Variants in JAKMIP1 observed in about 807,000 individuals in gnomAD.
JAKMIP1 encodes the protein janus kinase and microtubule interacting protein 1.
In JAKMIP1, 33 loss-of-function variants were observed where a neutral mutation model predicts 113.0. The ratio of observed to expected loss-of-function variants is 0.29; its 90% CI spans 0.22 to 0.39. The LOEUF (loss-of-function observed/expected upper bound fraction) is 0.39, where lower values mean the gene tolerates loss of function less well. Ranked by LOEUF, JAKMIP1 falls within the 10% of genes least tolerant of loss-of-function variation. The pLI, the probability that JAKMIP1 is intolerant of heterozygous loss-of-function variation, is 1.00. For synonymous variants in JAKMIP1, 480 were observed against 459.9 expected, an observed-to-expected ratio of 1.04 and a Z score of -0.56; for missense variants, 813 against 1,080.5, an observed-to-expected ratio of 0.75 and a Z score of 3.47.
At chr4:6,107,751 T>G (rs1560197845) in intron 2 of JAKMIP1, among the ~76,000 whole-genome samples, 1 of 150,704 alleles carries the variant, frequency 6.6e-6, no homozygotes. Flanking sequence ...TCTCACTCTG[T>G]GGGGGGTGTG....
chr4:6,052,805 C>T (rs949216753), intron 13 of JAKMIP1, among the ~76,000 whole-genome samples: 3 of 152,178 alleles, frequency 2.0e-5, no homozygotes, highest in South Asian at 4.1e-4. Context: ...TCTCTAACAG[C>T]GGCAGGAGTA....
rs573024104 is a variant in JAKMIP1 at position 6,031,904 on chromosome 4, A to G, written c.2380-2123T>C. Among the ~76,000 whole-genome samples the G allele has an allele frequency of 1.3e-5, 2 of 152,218 alleles. No individual in the cohort carries two copies. The highest frequency in any genetic ancestry group is 1.3e-4 in the Admixed American group (2 of 15,304). ...TTTAGAGCAGAGCTTGGCATTGAGC[A>G]CTCCATATGTTATTTTTTTAAACTG... On this transcript the variant is annotated intron_variant, in intron 19 of 20. Transcript: ENST00000409021. The surrounding 1 kb of genome is among the most constrained non-coding windows in gnomAD (Gnocchi z 4.4).
intron 1 of JAKMIP1, among the ~76,000 whole-genome samples, chr4:6,172,459 G>A (rs1724842169): frequency 6.6e-6 from 1 of 152,134 alleles, no homozygotes; most frequent in South Asian, 2.1e-4. Flanking sequence ...TCCAGCTCTG[G>A]CCTGGGTTTC....
In JAKMIP1 at chr4:6,054,943, G is replaced by A. The variant is rs373797558; in HGVS notation, c.1708-795C>T. On this transcript the variant is annotated intron_variant, in intron 12 of 20. Transcript: ENST00000409021. Reference sequence around the variant, plus strand: ...GGATGAGGGGGTGAGGGTTTTCTGCGGCTCCCTGGATTTAGTGAACAAGAC... The same window carrying A: ...GGATGAGGGGGTGAGGGTTTTCTGCAGCTCCCTGGATTTAGTGAACAAGAC... The A allele has an allele frequency of 3.8e-4, 165 of 438,396 alleles. 2 individuals carry two copies. The East Asian group carries it at 8.2e-3, about 22-fold the overall frequency. 27.2% of individuals were successfully genotyped at this position (438,396 alleles called of 1,614,324 possible). A position where few individuals can be genotyped will look rare whatever the true frequency, so the allele number is the denominator to read the frequency against.
chr4:6,057,784 C>G (rs1669538002), intron 11 of JAKMIP1, among the ~76,000 whole-genome samples: 2 of 152,366 alleles, frequency 1.3e-5, no homozygotes, highest in Admixed American at 1.3e-4. Context: ...ATGCCATGCT[C>G]TGGCTACTGG....
chr4:6,112,920 T>A lies in JAKMIP1; in HGVS notation c.-70A>T. 1 of 1,568,260 alleles carries A rather than the reference T, an allele frequency of 6.4e-7. No individual in the cohort carries two copies. Among genetic ancestry groups the A allele is most frequent in the South Asian group, 1.2e-5 (1 of 86,396 alleles). On this transcript the variant is annotated 5_prime_UTR_variant, in exon 2 of 21. Coordinates refer to ENST00000409021, the MANE Select transcript of JAKMIP1 (RefSeq NM_001099433.2). ...GTTCACGCACGCCAGCCAGCAGGCG[T>A]GGCTACCAGCTCCACCGTGCTAACC... is the stretch of plus-strand genomic sequence containing the variant.
At position 6,042,482 on chromosome 4, in the gene JAKMIP1, A is replaced by G. The variant is rs148200036; in HGVS notation, c.2029-255T>C. ...TGTGGAAGCTGGATTCAGAGCCTGG[A>G]TGGACCCGAGTGTGGGCGGCTGCGA... On this transcript the variant is annotated intron_variant, in intron 16 of 20. Coordinates refer to ENST00000409021, the MANE Select transcript of JAKMIP1 (RefSeq NM_001099433.2). The surrounding 1 kb of genome is among the most constrained non-coding windows in gnomAD (Gnocchi z 5.2). Among the ~76,000 whole-genome samples the G allele has an allele frequency of 8.7e-3, 1,321 of 152,104 alleles. 16 individuals carry two copies. Among genetic ancestry groups the G allele is most frequent in the African/African-American group, 0.029 (1,223 of 41,464 alleles).
In JAKMIP1 at chr4:6,094,607, T is replaced by C. The variant is rs1462370384; in HGVS notation, c.625-8978A>G. 2.0e-5 allele frequency among the ~76,000 whole-genome samples: 3 copies of C among 152,218 alleles called. No individual in the cohort carries two copies. The highest frequency in any genetic ancestry group is 6.5e-5 in the Admixed American group (1 of 15,282). The stretch of plus-strand genomic sequence containing the variant: ...AGGCCTTAAGCTGTGCCTTGATTCC[T>C]CCTACCTTGTCAAACTAGTTCCCAA... On this transcript the variant is annotated intron_variant, in intron 3 of 20. Coordinates refer to ENST00000409021, the MANE Select transcript of JAKMIP1 (RefSeq NM_001099433.2). This position sits in a 1 kb window ranked among gnomAD's most constrained non-coding sequence, Gnocchi z 4.2.
intron 3 of JAKMIP1, among the ~76,000 whole-genome samples, 186 bp downstream of exon 3, chr4:6,105,287 C>T (rs556723027): frequency 6.6e-6 from 1 of 152,330 alleles, no homozygotes; most frequent in South Asian, 2.1e-4. Flanking sequence ...GGGAACTGTT[C>T]TTTGAGCGGA....
At chr4:6,166,221 G>A (rs1265369510) in intron 1 of JAKMIP1, among the ~76,000 whole-genome samples, 2 of 152,230 alleles carry the variant, frequency 1.3e-5, no homozygotes, top group Non-Finnish European at 2.9e-5. Flanking sequence ...GATACGACAT[G>A]TAAAAGCCAA....
chr4:6,173,245 A>G (rs549574305), intron 1 of JAKMIP1, among the ~76,000 whole-genome samples: 1 of 152,332 alleles, frequency 6.6e-6, no homozygotes, highest in South Asian at 2.1e-4. Context: ...TACAACTACA[A>G]ACACTATTTC....
intron 1 of JAKMIP1, among the ~76,000 whole-genome samples, chr4:6,117,198 A>G (rs998841187): frequency 2.6e-5 from 4 of 152,194 alleles, no homozygotes; most frequent in African/African-American, 9.7e-5. Context: ...TGAAGTGCAG[A>G]TGGTAATTAT....
At chr4:6,104,224 T>A (rs2108871549) in intron 3 of JAKMIP1, among the ~76,000 whole-genome samples, 1 of 152,354 alleles carries the variant, frequency 6.6e-6, no homozygotes, top group Admixed American at 6.5e-5. Context: ...GTTGGTTAAT[T>A]GTGTTGGTGA....
chr4:6,095,809 C>T (rs1275242026), intron 3 of JAKMIP1, among the ~76,000 whole-genome samples: 1 of 148,692 alleles, frequency 6.7e-6, no homozygotes, highest in Non-Finnish European at 1.5e-5. Context: ...ATGCACCACA[C>T]TGCACAGGCT....
chr4:6,038,977 T>A (rs929645247), intron 18 of JAKMIP1, among the ~76,000 whole-genome samples: 5 of 152,222 alleles, frequency 3.3e-5, no homozygotes, highest in African/African-American at 9.6e-5. Context: ...CATGGACACA[T>A]GGCCCTGTCA....
rs2108759575 is a variant in JAKMIP1, at chr4:6,044,119, G to C, written c.2029-1892C>G. ...GAAGCCTACCCTGCTTGAGTCCGTG[G>C]GGTCAGCTAACCTCCATGGTGCCCA... On this transcript the variant is annotated intron_variant, in intron 16 of 20. Transcript: ENST00000409021. This position sits in a 1 kb window ranked among gnomAD's most constrained non-coding sequence, Gnocchi z 4.4. Among the ~76,000 whole-genome samples the C allele has an allele frequency of 6.6e-6, 1 of 152,050 alleles. No homozygotes were observed. Among genetic ancestry groups the C allele is most frequent in the East Asian group, 1.9e-4 (1 of 5,136 alleles).
rs140956674 is a variant in JAKMIP1, at chr4:6,116,027, C to T, written c.-147-3030G>A. On this transcript the variant is annotated intron_variant, in intron 1 of 20. Transcript: ENST00000409021. This position sits in a 1 kb window ranked among gnomAD's most constrained non-coding sequence, Gnocchi z 5.1. ...GTGAATAAATCTCCATGGGCTGATACCAAGCCTGGTACTCTCAACACCCCA... is the reference window on the plus strand; with the variant it reads ...GTGAATAAATCTCCATGGGCTGATATCAAGCCTGGTACTCTCAACACCCCA... Among the ~76,000 whole-genome samples, 2,154 of 152,248 alleles carry T rather than the reference C, an allele frequency of 0.014. 34 individuals are homozygous for T. The highest frequency in any genetic ancestry group is 0.036 in the African/African-American group (1,503 of 41,546).
At chr4:6,062,574 A>C in intron 9 of JAKMIP1, 134 bp from the exon 10 acceptor site, 558 of 881,314 alleles carry the variant, frequency 6.3e-4, no homozygotes, top group Middle Eastern at 1.5e-3. Flanking sequence ...TTAGACATCA[A>C]ACGACCACAT....
chr4:6,171,852 G>A (rs923463932), intron 1 of JAKMIP1, among the ~76,000 whole-genome samples: 2 of 152,206 alleles, frequency 1.3e-5, no homozygotes, highest in Admixed American at 6.5e-5. Context: ...TCACAACCCA[G>A]TTTATGCCTC....
Sources: allele counts gnomAD v4.1 joint callset (sites outside exome capture counted in the v4.1 genomes callset), GRCh38; gene constraint gnomAD v4.1.1; non-coding constraint Gnocchi (gnomAD v3.1); transcripts MANE v1.5; gene names NCBI Gene and HGNC (gene_info 2026-07-23, HGNC 2026-07-21).